The following NRXN3 variants were observed in gnomAD, a reference collection of about 807,000 sequenced individuals.
The protein encoded by NRXN3 is neurexin 3.
Under a neutral mutation model 137.6 loss-of-function variants are expected in NRXN3, and 32 were observed. That is an observed-to-expected ratio of 0.23 (90% confidence interval 0.18 to 0.31). NRXN3 has a LOEUF of 0.31. Among genes scored for constraint, NRXN3 ranks in the 10% least tolerant of loss-of-function variants. The pLI is 1.00. For missense variants in NRXN3, 1,574 were observed against 2,062.5 expected (o/e 0.76, Z 4.59); for synonymous variants, 798 against 784.5 (o/e 1.02, Z -0.29).
intron 20 of NRXN3, among the ~76,000 whole-genome samples, chr14:79,851,008 G>A (rs2099390327): frequency 6.6e-6 from 1 of 152,168 alleles, no homozygotes; most frequent in South Asian, 2.1e-4. Flanking sequence ...GTGATTTCTA[G>A]AATGTAAGTG....
intron 4 of NRXN3, among the ~76,000 whole-genome samples, chr14:78,530,032 A>G (rs2096437791): frequency 6.6e-6 from 1 of 152,238 alleles, no homozygotes; most frequent in Non-Finnish European, 1.5e-5. Context: ...CAAGTTTGGC[A>G]TCTTCTAAAA....
intron 4 of NRXN3, among the ~76,000 whole-genome samples, chr14:78,412,924 G>T (rs7156727): frequency 0.43 from 65,219 of 151,984 alleles, 14,275 homozygotes; most frequent in Middle Eastern, 0.59. Context: ...TCTCTCATTT[G>T]CTTTGCTTTG....
At chr14:79,531,455 A>G (rs2153720170) in intron 16 of NRXN3, among the ~76,000 whole-genome samples, 1 of 152,352 alleles carries the variant, frequency 6.6e-6, no homozygotes, top group East Asian at 1.9e-4. Context: ...CACAGTATCC[A>G]GGTATGGAAA....
chr14:78,824,515 G>A (rs957706754), intron 10 of NRXN3, among the ~76,000 whole-genome samples: 3 of 152,068 alleles, frequency 2.0e-5, no homozygotes, highest in Non-Finnish European at 4.4e-5. Flanking sequence ...TTGAAACTTT[G>A]AGCCACAGGA....
At chr14:78,205,894 G>A (rs1486800614) in intron 1 of NRXN3, among the ~76,000 whole-genome samples, 1 of 152,228 alleles carries the variant, frequency 6.6e-6, no homozygotes, top group Non-Finnish European at 1.5e-5. Flanking sequence ...AAGGAGATAA[G>A]TGAGGAGTCT....
chr14:79,083,245 A>G (rs749060128), intron 15 of NRXN3, among the ~76,000 whole-genome samples: 24 of 152,188 alleles, frequency 1.6e-4, no homozygotes, highest in Non-Finnish European at 2.8e-4. Context: ...TGTCAGGAGT[A>G]TTGGCAGAGT....
chr14:78,716,067 G>A (rs144162855), intron 8 of NRXN3, among the ~76,000 whole-genome samples: 36 of 152,222 alleles, frequency 2.4e-4, no homozygotes, highest in African/African-American at 8.2e-4. Context: ...GGGAGGAGGG[G>A]CATGAGAGGG....
intron 3 of NRXN3, among the ~76,000 whole-genome samples, chr14:78,297,345 G>A (rs1248309740): frequency 1.3e-5 from 2 of 152,172 alleles, no homozygotes; most frequent in Non-Finnish European, 2.9e-5. Context: ...TCTCTGGAAG[G>A]TGGGATTGCC....
intron 17 of NRXN3, among the ~76,000 whole-genome samples, chr14:79,684,491 A>C (rs2098686782): frequency 6.6e-6 from 1 of 152,170 alleles, no homozygotes; most frequent in East Asian, 1.9e-4. Flanking sequence ...ATGGTCTAAA[A>C]TGTCTACAAT....
intron 4 of NRXN3, among the ~76,000 whole-genome samples, chr14:78,383,075 C>T (rs980419701): frequency 1.3e-5 from 2 of 152,110 alleles, no homozygotes; most frequent in Non-Finnish European, 2.9e-5. Context: ...AAATTCCTTC[C>T]AGTAAAGAAT....
chr14:78,939,788 A>G (rs913470502), intron 10 of NRXN3, among the ~76,000 whole-genome samples: 1 of 152,186 alleles, frequency 6.6e-6, no homozygotes, highest in Non-Finnish European at 1.5e-5. Context: ...ATCCCTTTCT[A>G]TGGGGAAGTA....
intron 4 of NRXN3, among the ~76,000 whole-genome samples, chr14:78,335,083 C>CA (rs1436772835): frequency 6.6e-6 from 1 of 152,128 alleles, no homozygotes; most frequent in African/African-American, 2.4e-5. Flanking sequence ...TCTCTAGTTT[C>CA]AAGCCCACCC....
At chr14:78,205,899 G>T (rs1236632905) in intron 1 of NRXN3, among the ~76,000 whole-genome samples, 6 of 152,224 alleles carry the variant, frequency 3.9e-5, no homozygotes, top group Non-Finnish European at 8.8e-5. Context: ...GATAAGTGAG[G>T]AGTCTAGGTC....
At chr14:79,528,358 A>G (rs974934185) in intron 16 of NRXN3, among the ~76,000 whole-genome samples, 7 of 152,216 alleles carry the variant, frequency 4.6e-5, no homozygotes, top group Admixed American at 2.0e-4. Context: ...TATAAACACC[A>G]TCACATACTT....
intron 4 of NRXN3, among the ~76,000 whole-genome samples, chr14:78,374,246 T>C (rs2087393216): frequency 6.6e-6 from 1 of 152,210 alleles, no homozygotes; most frequent in Admixed American, 6.5e-5. Flanking sequence ...TAGAAGTGTT[T>C]ATGTGCCTAA....
At chr14:78,468,123 C>A (rs532356377) in intron 4 of NRXN3, among the ~76,000 whole-genome samples, 1 of 152,144 alleles carries the variant, frequency 6.6e-6, no homozygotes, top group South Asian at 2.1e-4. Flanking sequence ...GGGATTTCAC[C>A]AAGTTGGGTC....
intron 1 of NRXN3, among the ~76,000 whole-genome samples, chr14:78,225,154 A>G (rs1002495535): frequency 2.0e-5 from 3 of 152,216 alleles, no homozygotes; most frequent in African/African-American, 7.2e-5. Context: ...TTCTAGTTCT[A>G]GATCCCTGAA....
chr14:78,521,432 C>T (rs1026440234), intron 4 of NRXN3, among the ~76,000 whole-genome samples: 2 of 152,128 alleles, frequency 1.3e-5, no homozygotes, highest in African/African-American at 4.8e-5. Context: ...AAATTTTAGT[C>T]TTTAATTCTT....
chr14:79,379,398 G>A (rs1257670684), intron 15 of NRXN3, among the ~76,000 whole-genome samples: 1 of 152,170 alleles, frequency 6.6e-6, no homozygotes, highest in African/African-American at 2.4e-5. Flanking sequence ...TGCCAGGTGA[G>A]TATTGAGGTT....
Sources: allele counts gnomAD v4.1 joint callset (sites outside exome capture counted in the v4.1 genomes callset), GRCh38; gene constraint gnomAD v4.1.1; transcripts MANE v1.5; gene names NCBI Gene and HGNC (gene_info 2026-07-23, HGNC 2026-07-21).